The following MCTP1 variants were observed in gnomAD, a reference collection of about 807,000 sequenced individuals.
MCTP1 encodes the protein multiple C2 and transmembrane domain containing 1, also known as multiple C2 and transmembrane domain-containing protein 1.
MCTP1 carries 69 observed loss-of-function variants against 120.6 expected under a neutral mutation model. That is an observed-to-expected ratio of 0.57 (90% CI 0.47 to 0.70). The LOEUF (loss-of-function observed/expected upper bound fraction) is 0.70, where lower values mean the gene tolerates loss of function less well. Among genes scored for constraint, MCTP1 ranks in the 30% least tolerant of loss-of-function variants. MCTP1 has a pLI of 0.00. For synonymous variants in MCTP1, 529 were observed against 493.1 expected, an observed-to-expected ratio of 1.07 and a Z score of -0.96; for missense variants, 1,203 against 1,248.8, an observed-to-expected ratio of 0.96 and a Z score of 0.55.
At chr5:94,737,139 CA>C (rs1218825077) in intron 19 of MCTP1, among the ~76,000 whole-genome samples, 1 of 152,092 alleles carries the variant, frequency 6.6e-6, no homozygotes, top group African/African-American at 2.4e-5. Flanking sequence ...AGGCATGTAC[CA>C]CCACATCCAG....
intron 1 of MCTP1, among the ~76,000 whole-genome samples, chr5:95,242,118 C>A (rs896562125): frequency 2.0e-5 from 3 of 152,024 alleles, no homozygotes; most frequent in Admixed American, 1.3e-4. Context: ...AAACTAACAA[C>A]CTTGTAGCTA....
chr5:95,101,925 G>T (rs74655848), intron 1 of MCTP1, among the ~76,000 whole-genome samples: 2 of 152,118 alleles, frequency 1.3e-5, no homozygotes. Flanking sequence ...AAGTAATACT[G>T]TATTTCATCC....
chr5:95,057,826 G>C (rs552625654), intron 1 of MCTP1, among the ~76,000 whole-genome samples: 3 of 152,112 alleles, frequency 2.0e-5, no homozygotes, highest in Non-Finnish European at 4.4e-5. Flanking sequence ...CCAATGATCC[G>C]CAAAATGTCA....
intron 1 of MCTP1, among the ~76,000 whole-genome samples, chr5:95,088,207 A>G (rs898348768): frequency 1.3e-5 from 2 of 152,198 alleles, no homozygotes; most frequent in African/African-American, 4.8e-5. Flanking sequence ...GACAGTGGGA[A>G]AATCCCTAAC....
intron 1 of MCTP1, among the ~76,000 whole-genome samples, chr5:95,108,460 T>G (rs1311329367): frequency 6.6e-6 from 1 of 152,140 alleles, no homozygotes; most frequent in Non-Finnish European, 1.5e-5. Context: ...TGTTGCAGGC[T>G]CAAACACAAG....
intron 20 of MCTP1, among the ~76,000 whole-genome samples, 181 bp downstream of exon 20, chr5:94,714,596 T>C (rs1233612810): frequency 6.6e-6 from 1 of 152,142 alleles, no homozygotes; most frequent in Non-Finnish European, 1.5e-5. Context: ...AGGAAGGAAA[T>C]TGACAGAACT....
intron 21 of MCTP1, chr5:94,709,801 G>C (rs1018872563): frequency 6.6e-6 from 1 of 152,074 alleles, no homozygotes; most frequent in Non-Finnish European, 1.5e-5. Flanking sequence ...GGTAATTATA[G>C]TGATAATAAG....
rs138843937 is a variant in MCTP1 at position 95,162,489 on chromosome 5, C to T, written c.720+121367G>A. ...GATTATTTACAGGCTGTGAAGCAAA[C>T]AGTGAAGTTACCAAACCTGTAGCTA... On this transcript the variant is annotated intron_variant, in intron 1 of 22. Coordinates refer to ENST00000515393, the MANE Select transcript of MCTP1 (RefSeq NM_024717.7). Among the ~76,000 whole-genome samples, 1,269 of 152,212 alleles carry T rather than the reference C, an allele frequency of 8.3e-3. 23 individuals are homozygous for T. Among genetic ancestry groups the T allele is most frequent in the African/African-American group, 0.028 (1,151 of 41,550 alleles).
chr5:94,991,515 A>T (rs1172282364), intron 2 of MCTP1, among the ~76,000 whole-genome samples: 5 of 152,146 alleles, frequency 3.3e-5, no homozygotes, highest in Non-Finnish European at 7.4e-5. Context: ...TTGGAATTTT[A>T]TTTCAGTGAT....
At chr5:94,769,374 T>C (rs910250668) in intron 19 of MCTP1, among the ~76,000 whole-genome samples, 2 of 152,180 alleles carry the variant, frequency 1.3e-5, no homozygotes, top group Admixed American at 1.3e-4. Context: ...ATTTGAAATA[T>C]TCAACACTCA....
intron 8 of MCTP1, among the ~76,000 whole-genome samples, chr5:94,917,217 C>T (rs1351245804): frequency 1.3e-5 from 2 of 152,146 alleles, no homozygotes; most frequent in Non-Finnish European, 2.9e-5. Context: ...GAGTATTAAA[C>T]AAATCCAAGG....
chr5:95,212,924 A>C (rs1266049350), intron 1 of MCTP1, among the ~76,000 whole-genome samples: 1 of 152,126 alleles, frequency 6.6e-6, no homozygotes, highest in African/African-American at 2.4e-5. Context: ...ATGGGCAAAA[A>C]CTGGAAGCAT....
chr5:94,875,738 C>A (rs1211247253), intron 12 of MCTP1, among the ~76,000 whole-genome samples: 2 of 150,998 alleles, frequency 1.3e-5, no homozygotes, highest in Non-Finnish European at 2.9e-5. Context: ...CTGAGCTTAG[C>A]CAAGTCAGTT....
At chr5:94,968,733 G>A (rs1826142805) in intron 2 of MCTP1, among the ~76,000 whole-genome samples, 1 of 152,204 alleles carries the variant, frequency 6.6e-6, no homozygotes, top group Non-Finnish European at 1.5e-5. Context: ...CTGTGGTTCT[G>A]CTATTGAAAC....
chr5:95,154,975 G>GGT (rs1346301909), intron 1 of MCTP1, among the ~76,000 whole-genome samples: 3 of 152,040 alleles, frequency 2.0e-5, no homozygotes, highest in South Asian at 2.1e-4. Context: ...TGAAGAGCAC[G>GGT]GTTTAGACAC....
chr5:95,279,355 C>G (rs534229955), intron 1 of MCTP1, among the ~76,000 whole-genome samples: 162 of 152,292 alleles, frequency 1.1e-3, no homozygotes, highest in South Asian at 4.8e-3. Flanking sequence ...TGCATACATA[C>G]TTGCTAAAAA....
chr5:94,972,922 TCCA>T (rs1827221526), intron 2 of MCTP1, among the ~76,000 whole-genome samples: 1 of 150,712 alleles, frequency 6.6e-6, no homozygotes, highest in Non-Finnish European at 1.5e-5. Context: ...AAAGGCAAAG[TCCA>T]CTAAATGAAC....
In MCTP1 at chr5:94,920,042, A is replaced by G. The variant is rs534210705; in HGVS notation, c.1273-2069T>C. On this transcript the variant is annotated intron_variant, in intron 7 of 22. Transcript: ENST00000515393. ...TTTCCATTGCTTCTTGATACAATTTATGGTGCCAGGAAGTTCTTTATGTTT... is the reference window on the plus strand; with the variant it reads ...TTTCCATTGCTTCTTGATACAATTTGTGGTGCCAGGAAGTTCTTTATGTTT... Among the ~76,000 whole-genome samples the G allele has an allele frequency of 1.1e-4, 16 of 152,308 alleles. No individual in the cohort carries two copies. In the South Asian group the frequency reaches 3.1e-3, roughly 30 times the overall value.
chr5:95,131,591 AT>A (rs924425130), intron 1 of MCTP1, among the ~76,000 whole-genome samples: 12 of 151,014 alleles, frequency 7.9e-5, no homozygotes, highest in East Asian at 1.9e-4. Flanking sequence ...GCTCTGATCT[AT>A]TTTTTTTTCT....
Sources: gnomAD v4.1 joint callset for allele counts (sites outside exome capture counted in the v4.1 genomes callset) on GRCh38, gnomAD v4.1.1 for gene constraint, MANE v1.5 for transcripts, NCBI Gene and HGNC (gene_info 2026-07-23, HGNC 2026-07-21) for gene names.